The following NDUFA3 variants were observed in gnomAD, a reference collection of about 807,000 sequenced individuals.
NDUFA3 encodes the protein NADH dehydrogenase [ubiquinone] 1 alpha subcomplex subunit 3.
A neutral mutation model predicts 11.4 loss-of-function variants in NDUFA3; 10 were observed. The observed-to-expected ratio is 0.87, with a 90% CI of 0.54 to 1.48. NDUFA3 has a LOEUF of 1.48. Ranked by LOEUF, NDUFA3 falls within the 40% of genes most tolerant of loss-of-function variation. NDUFA3 has a pLI of 0.00. For missense variants in NDUFA3, 115 were observed against 110.5 expected, an observed-to-expected ratio of 1.04 and a Z score of -0.18; for synonymous variants, 39 against 46.9, an observed-to-expected ratio of 0.83 and a Z score of 0.68.
chr19:54,105,193 GGCTCCCACCC>G (rs1375371084), intron 2 of NDUFA3, among the ~76,000 whole-genome samples: 13 of 149,566 alleles, frequency 8.7e-5, no homozygotes, highest in Admixed American at 6.7e-5. Flanking sequence ...CAGGACTCCT[GGCTCCCACCC>G]TAAATGGACT....
At position 54,107,355 on chromosome 19, in the gene NDUFA3, C is replaced by T; in HGVS notation, c.*453C>T. On this transcript the variant is annotated 3_prime_UTR_variant, in exon 4 of 4. Coordinates refer to ENST00000485876, the MANE Select transcript of NDUFA3 (RefSeq NM_004542.4). ...CCTCTGCCTCCCAGGCTCAAGTGAT[C>T]CTCCCACCTCAGCTTCCCAAGTAGC... 1.4e-6 allele frequency: 1 copy of T among 720,988 alleles called. No individual in the cohort carries two copies. The highest frequency in any genetic ancestry group is 2.2e-6 in the Non-Finnish European group (1 of 449,752). 44.7% of individuals were successfully genotyped at this position (720,988 alleles called of 1,614,324 possible). A position where few individuals can be genotyped will look rare whatever the true frequency, so the allele number is the denominator to read the frequency against.
At chr19:54,105,432 C>G (rs1376203537) in intron 2 of NDUFA3, among the ~76,000 whole-genome samples, 1 of 151,766 alleles carries the variant, frequency 6.6e-6, no homozygotes, top group African/African-American at 2.4e-5. Context: ...CCACGCCCGG[C>G]TAATTTTCGT....
intron 2 of NDUFA3, among the ~76,000 whole-genome samples, chr19:54,105,263 G>GTTTTTTTTTTTTTTTT (rs1201834834): frequency 5.1e-5 from 2 of 38,998 alleles, no homozygotes; most frequent in Non-Finnish European, 5.4e-5. Flanking sequence ...AGTTTGTAAG[G>GTTTTTTTTTTTTTTTT]CTTTTTTTTT....
In NDUFA3 at chr19:54,106,971, G is replaced by T. The variant is rs587695635; in HGVS notation, c.*69G>T. 5 of 1,600,398 alleles carry T rather than the reference G, an allele frequency of 3.1e-6. No homozygotes were observed. Among genetic ancestry groups the T allele is most frequent in the Non-Finnish European group, 4.3e-6 (5 of 1,171,700 alleles). On this transcript the variant is annotated 3_prime_UTR_variant, in exon 4 of 4. Coordinates refer to ENST00000485876, the MANE Select transcript of NDUFA3 (RefSeq NM_004542.4). Reference sequence around the variant, plus strand: ...AAAATGTGAAAACCAACCCCCGAACGTGAGCATGTGTGTGATCAGAGGTGG... The same window carrying T: ...AAAATGTGAAAACCAACCCCCGAACTTGAGCATGTGTGTGATCAGAGGTGG...
Position 54,106,901 on chromosome 19 carries a change from G to A in NDUFA3, c.254G>A (p.Ter85=), listed in dbSNP as rs758065607. The A allele has an allele frequency of 8.7e-6, 14 of 1,611,358 alleles. No homozygotes were observed. In the South Asian group the frequency reaches 1.5e-4, roughly 18 times the overall value. The change falls in exon 4 of 4, where the codon TGA becomes TAA. Residue 85 remains the stop codon, a stop_retained_variant. Transcript: ENST00000485876. The part of the protein sequence containing the change: ...GPSLEWLKKL[*] Reference sequence around the variant, plus strand: ...AGCCTGGAGTGGCTGAAGAAACTGTGAGCACCTCCACTGACAGAGGCGGCC... The same window carrying A: ...AGCCTGGAGTGGCTGAAGAAACTGTAAGCACCTCCACTGACAGAGGCGGCC...
intron 1 of NDUFA3, 106 bp from the exon 2 acceptor site, chr19:54,103,008 C>A: frequency 6.5e-7 from 1 of 1,535,268 alleles, no homozygotes; most frequent in Admixed American, 1.9e-5. Context: ...TGGAGGGGAA[C>A]GCAGAAGTCA....
At chr19:54,103,063 G>T in intron 1 of NDUFA3, 51 bp from the exon 2 acceptor site, 1 of 1,592,858 alleles carries the variant, frequency 6.3e-7, no homozygotes. Context: ...AGGGTTAGAG[G>T]TCACCGGGGG....
chr19:54,106,070 A>T (rs769389377), intron 3 of NDUFA3, 59 bp downstream of exon 3: 11 of 1,514,172 alleles, frequency 7.3e-6, no homozygotes, highest in Non-Finnish European at 1.0e-5. Flanking sequence ...TGCTGGCGTA[A>T]GGGCAGTTAT....
rs778652859 is a variant in NDUFA3 at position 54,106,837 on chromosome 19, C to T, written c.190C>T (p.Pro64Ser). 1.9e-6 allele frequency: 3 copies of T among 1,613,526 alleles called. No homozygotes were observed. The highest frequency in any genetic ancestry group is 1.1e-5 in the South Asian group (1 of 90,986). ...GCCCGTCCGTGATGATGGGAACATG[C>T]CCGACGTGCCCAGCCACCCCCAGGA... ...PVPVRDDGNMPDVPSHPQDPQ... is the reference protein window; with the variant it reads ...PVPVRDDGNMSDVPSHPQDPQ... Residue 64 changes from proline to serine, a missense_variant, in exon 4 of 4, where the codon CCC becomes TCC. Transcript: ENST00000485876.
At chr19:54,106,652 C>T in intron 3 of NDUFA3, 159 bp from the exon 4 acceptor site, 1 of 569,962 alleles carries the variant, frequency 1.8e-6, no homozygotes, top group Non-Finnish European at 3.0e-6. Context: ...CTCTCAGTCT[C>T]TGTATTTCCC....
intron 2 of NDUFA3, chr19:54,105,625 G>C (rs1352089737): frequency 1.6e-6 from 1 of 616,866 alleles, no homozygotes; most frequent in East Asian, 3.5e-5. Context: ...CCCCCAGGAT[G>C]CTCCATGATG....
At chr19:54,105,444 T>C (rs1460611628) in intron 2 of NDUFA3, among the ~76,000 whole-genome samples, 1 of 151,582 alleles carries the variant, frequency 6.6e-6, no homozygotes, top group African/African-American at 2.4e-5. Flanking sequence ...AATTTTCGTA[T>C]CTTTAGTAGA....
intron 2 of NDUFA3, among the ~76,000 whole-genome samples, chr19:54,105,239 A>G (rs2073217948): frequency 7.9e-6 from 1 of 125,960 alleles, no homozygotes; most frequent in African/African-American, 3.0e-5. Flanking sequence ...TGTTTGTGCA[A>G]CCCTTTCTCC....
At chr19:54,103,540 A>T (rs1346974828) in intron 2 of NDUFA3, among the ~76,000 whole-genome samples, 1 of 151,828 alleles carries the variant, frequency 6.6e-6, no homozygotes, top group African/African-American at 2.4e-5. Flanking sequence ...GGGACTGGGG[A>T]ATCTGTGTCT....
intron 1 of NDUFA3, 56 bp downstream of exon 1, chr19:54,102,944 C>A (rs587694778): frequency 6.3e-7 from 1 of 1,595,506 alleles, no homozygotes; most frequent in South Asian, 1.1e-5. Context: ...AACCTCTGGG[C>A]GGTCCTGGGA....
In NDUFA3 at chr19:54,105,703, T is replaced by C. The variant is rs2073236994; in HGVS notation, c.86-231T>C. 3 of 691,272 alleles carry C rather than the reference T, an allele frequency of 4.3e-6. No individual in the cohort carries two copies. The East Asian group carries it at 8.2e-5, about 19-fold the overall frequency. The allele number at this position is 691,272 out of a possible 1,614,324, so 42.8% of individuals were successfully genotyped here. ...CTGCCTCCTCCAGGCCCCACGTATC[T>C]GTGAGTGTTAGGCTCCAACCCCTAC... On this transcript the variant is annotated intron_variant, in intron 2 of 3. Transcript: ENST00000485876.
intron 2 of NDUFA3, among the ~76,000 whole-genome samples, 167 bp downstream of exon 2, chr19:54,103,355 C>T (rs2073149966): frequency 6.6e-6 from 1 of 152,082 alleles, no homozygotes; most frequent in Non-Finnish European, 1.5e-5. Context: ...ACCTCTCCAC[C>T]ATCGCCCCCC....
intron 2 of NDUFA3, among the ~76,000 whole-genome samples, chr19:54,103,870 G>T (rs1237950315): frequency 6.7e-6 from 1 of 148,544 alleles, no homozygotes. Context: ...GTCTCGCTCT[G>T]TCGCCCAGGC....
intron 3 of NDUFA3, chr19:54,106,275 T>C (rs2073257585): frequency 4.1e-6 from 2 of 484,874 alleles, no homozygotes; most frequent in Non-Finnish European, 7.4e-6. Flanking sequence ...CTCAGCTCAC[T>C]GCAAGCTCAG....
Sources: gnomAD v4.1 joint callset for allele counts (sites outside exome capture counted in the v4.1 genomes callset) on GRCh38, gnomAD v4.1.1 for gene constraint, MANE v1.5 for transcripts, NCBI Gene and HGNC (gene_info 2026-07-23, HGNC 2026-07-21) for gene names.